The following ADCY1 variants were observed in gnomAD, a reference collection of about 807,000 sequenced individuals.
ADCY1 encodes adenylate cyclase type 1.
In ADCY1, 28 loss-of-function variants were observed where a neutral mutation model predicts 105.4. The observed-to-expected ratio is 0.27, with a 90% CI of 0.20 to 0.36. The LOEUF (loss-of-function observed/expected upper bound fraction) is 0.36. Among genes scored for constraint, ADCY1 ranks in the 10% least tolerant of loss-of-function variants. ADCY1 has a pLI of 1.00. For missense variants in ADCY1, 977 were observed against 1,434.2 expected, an observed-to-expected ratio of 0.68 and a Z score of 5.15; for synonymous variants, 655 against 623.8, an observed-to-expected ratio of 1.05 and a Z score of -0.75.
intron 11 of ADCY1, among the ~76,000 whole-genome samples, 179 bp downstream of exon 11, chr7:45,679,972 G>C (rs1382431807): frequency 6.6e-6 from 1 of 151,944 alleles, no homozygotes; most frequent in Non-Finnish European, 1.5e-5. Flanking sequence ...ATATCACCTG[G>C]TCCAGGTATG....
intron 14 of ADCY1, among the ~76,000 whole-genome samples, chr7:45,693,404 G>A (rs1159601858): frequency 7.0e-6 from 1 of 143,078 alleles, no homozygotes; most frequent in Non-Finnish European, 1.5e-5. Flanking sequence ...CTTTCAGAAG[G>A]AATGGTACCA....
chr7:45,697,095 TC>T (rs1784897576), intron 14 of ADCY1, among the ~76,000 whole-genome samples: 1 of 152,204 alleles, frequency 6.6e-6, no homozygotes, highest in African/African-American at 2.4e-5. Context: ...CCTGGAAACT[TC>T]AGTCACTGAA....
At position 45,591,684 on chromosome 7, in the gene ADCY1, C is replaced by G. The variant is rs142139436; in HGVS notation, c.640-1075C>G. Among the ~76,000 whole-genome samples, 1 of 152,282 alleles carries G rather than the reference C, an allele frequency of 6.6e-6. No homozygotes were observed. The highest frequency in any genetic ancestry group is 6.5e-5 in the Admixed American group (1 of 15,294). On this transcript the variant is annotated intron_variant, in intron 1 of 19. Transcript: ENST00000297323. This position sits in a 1 kb window ranked among gnomAD's most constrained non-coding sequence, Gnocchi z 4.1. ...GCCTCTGGCAGGACATGCCATGGCCCTGCATGGCTCGTCAGAGTTGCCTGT... is the reference window on the plus strand; with the variant it reads ...GCCTCTGGCAGGACATGCCATGGCCGTGCATGGCTCGTCAGAGTTGCCTGT...
chr7:45,676,876 G>C (rs138973609), intron 8 of ADCY1, among the ~76,000 whole-genome samples: 1 of 151,268 alleles, frequency 6.6e-6, no homozygotes, highest in East Asian at 1.9e-4. Context: ...GCTACAATAG[G>C]GTGGTTATTG....
At chr7:45,583,918 G>A (rs908274317) in intron 1 of ADCY1, among the ~76,000 whole-genome samples, 4 of 144,642 alleles carry the variant, frequency 2.8e-5, no homozygotes, top group South Asian at 4.5e-4. Context: ...GACATTACAG[G>A]CATGAGCCAC....
chr7:45,643,926 A>T (rs1794589940), intron 4 of ADCY1, among the ~76,000 whole-genome samples: 1 of 152,122 alleles, frequency 6.6e-6, no homozygotes, highest in Non-Finnish European at 1.5e-5. Flanking sequence ...ACCTGATTTG[A>T]TCCTGTTGAT....
At chr7:45,592,974 G>C (rs976824184) in intron 2 of ADCY1, 66 bp downstream of exon 2, 12 of 1,588,830 alleles carry the variant, frequency 7.6e-6, no homozygotes, top group South Asian at 1.1e-5. Flanking sequence ...GAAGAAGCTG[G>C]CTTCCTGAGC....
chr7:45,646,476 G>C (rs1229980800), intron 4 of ADCY1, among the ~76,000 whole-genome samples: 2 of 152,216 alleles, frequency 1.3e-5, no homozygotes, highest in Non-Finnish European at 2.9e-5. Flanking sequence ...TGTGGTTCCA[G>C]GCCATGTCAT....
intron 14 of ADCY1, among the ~76,000 whole-genome samples, chr7:45,696,177 G>A (rs1008249500): frequency 6.6e-6 from 1 of 152,064 alleles, no homozygotes; most frequent in Non-Finnish European, 1.5e-5. Context: ...CGTGGCTCAT[G>A]CCTGTAATCC....
chr7:45,697,538 G>T (rs572739410), intron 14 of ADCY1, among the ~76,000 whole-genome samples: 5 of 152,194 alleles, frequency 3.3e-5, no homozygotes, highest in African/African-American at 1.2e-4. Flanking sequence ...TTACAGGCAT[G>T]CGCCACCACG....
At chr7:45,622,946 T>C (rs956165112) in intron 4 of ADCY1, among the ~76,000 whole-genome samples, 1 of 152,194 alleles carries the variant, frequency 6.6e-6, no homozygotes, top group Non-Finnish European at 1.5e-5. Flanking sequence ...ATTTACCAGA[T>C]AAGAAAATGC....
intron 14 of ADCY1, among the ~76,000 whole-genome samples, chr7:45,701,624 A>T (rs902465675): frequency 6.6e-6 from 1 of 152,196 alleles, no homozygotes; most frequent in Non-Finnish European, 1.5e-5. Flanking sequence ...TCTTTTGTGT[A>T]TATTGGAGCC....
At chr7:45,656,000 A>G (rs1204106785) in intron 5 of ADCY1, among the ~76,000 whole-genome samples, 4 of 152,104 alleles carry the variant, frequency 2.6e-5, no homozygotes, top group African/African-American at 9.7e-5. Flanking sequence ...ATAAAAAAGT[A>G]TATTCAGCTG....
At chr7:45,577,054 A>C (rs1792370926) in intron 1 of ADCY1, among the ~76,000 whole-genome samples, 1 of 152,154 alleles carries the variant, frequency 6.6e-6, no homozygotes. Context: ...TCCCCCTGGG[A>C]TAAGATGAGC....
At chr7:45,693,407 T>G (rs1441220691) in intron 14 of ADCY1, among the ~76,000 whole-genome samples, 1 of 143,782 alleles carries the variant, frequency 7.0e-6, no homozygotes, top group African/African-American at 2.6e-5. Context: ...TCAGAAGGAA[T>G]GGTACCAGCT....
chr7:45,679,193 T>C (rs889083060), intron 10 of ADCY1, among the ~76,000 whole-genome samples: 3 of 152,152 alleles, frequency 2.0e-5, no homozygotes, highest in African/African-American at 4.8e-5. Context: ...TGAAAGCACA[T>C]GGAGGCCACC....
At position 45,574,757 on chromosome 7, in the gene ADCY1, G is replaced by C; in HGVS notation, c.214G>C (p.Ala72Pro). ...LKALAVLSLLAGALALAELLG... is the reference protein window; with the variant it reads ...LKALAVLSLLPGALALAELLG... The stretch of plus-strand genomic sequence containing the variant: ...GGCGCTGGCCGTTCTCAGCCTGCTG[G>C]CGGGCGCGCTGGCGCTGGCCGAGCT... Residue 72 changes from alanine to proline, a missense_variant, in exon 1 of 20, where the codon GCG (alanine) becomes CCG (proline). By Grantham distance (27) the Ala-to-Pro change is conservative (BLOSUM62 -1). Transcript: ENST00000297323. The surrounding 1 kb of genome is among the most constrained non-coding windows in gnomAD (Gnocchi z 7.0). 2 of 1,435,616 alleles carry C rather than the reference G, an allele frequency of 1.4e-6. No homozygotes were observed. Among genetic ancestry groups the C allele is most frequent in the Admixed American group, 3.2e-5 (1 of 31,138 alleles). The allele number at this position is 1,435,616 out of a possible 1,614,324, so 88.9% of individuals were successfully genotyped here. A position where few individuals can be genotyped will look rare whatever the true frequency, so the allele number is the denominator to read the frequency against.
intron 5 of ADCY1, among the ~76,000 whole-genome samples, chr7:45,656,203 T>C (rs1420760086): frequency 2.0e-5 from 3 of 151,720 alleles, no homozygotes; most frequent in South Asian, 2.1e-4. Context: ...CTCGGGAGAC[T>C]GAGGCAGGAG....
At position 45,648,813 on chromosome 7, in the gene ADCY1, G is replaced by A. The variant is rs1324848122; in HGVS notation, c.1148+16G>A. On this transcript the variant is annotated intron_variant, in intron 5 of 19. Coordinates refer to ENST00000297323, the MANE Select transcript of ADCY1 (RefSeq NM_021116.4). ...ATACCATCACGTAAGTACCCCGTGG[G>A]GCTGAGAGGAGTGGCCTGGGGCATC... 3 of 1,611,914 alleles carry A rather than the reference G, an allele frequency of 1.9e-6. No individual in the cohort carries two copies. The African/African-American group carries it at 4.0e-5, about 22-fold the overall frequency.
Sources: allele counts gnomAD v4.1 joint callset (sites outside exome capture counted in the v4.1 genomes callset), GRCh38; gene constraint gnomAD v4.1.1; non-coding constraint Gnocchi (gnomAD v3.1); transcripts MANE v1.5; gene names NCBI Gene and HGNC (gene_info 2026-07-23, HGNC 2026-07-21).